TPM4: variants seen among roughly 807,000 people sequenced by gnomAD.
TPM4 encodes tropomyosin 4.
In TPM4, 17 loss-of-function variants were observed where a neutral mutation model predicts 35.8. The ratio of observed to expected loss-of-function variants is 0.47; its 90% confidence interval spans 0.32 to 0.71. The LOEUF (loss-of-function observed/expected upper bound fraction) is 0.71. Among genes scored for constraint, TPM4 ranks in the 30% least tolerant of loss-of-function variants. The pLI is 0.03. For synonymous variants in TPM4, 120 were observed against 122.9 expected (o/e 0.98, Z 0.15); for missense variants, 240 against 320.9 (o/e 0.75, Z 1.93).
At chr19:16,073,958 A>AAAAAAAAAAAC (rs1455511715), upstream of TPM4, among the ~76,000 whole-genome samples, 2 of 120,268 alleles carry the variant, frequency 1.7e-5, no homozygotes, top group African/African-American at 6.4e-5. Flanking sequence ...AAAAAAAAAA[A>AAAAAAAAAAAC]AACGCAAAAA....
intron 3 of TPM4, 30 bp downstream of exon 3, chr19:16,086,570 C>T (rs756055913): frequency 6.3e-7 from 1 of 1,578,642 alleles, no homozygotes; most frequent in South Asian, 1.1e-5. Flanking sequence ...GGCGCAGCAG[C>T]AGGAAGTGGG....
upstream of TPM4, among the ~76,000 whole-genome samples, chr19:16,071,633 C>A (rs55676764): frequency 0.47 from 71,788 of 152,130 alleles, 20,441 homozygotes; most frequent in African/African-American, 0.81. Context: ...CAGAAGCCAG[C>A]GCCCCACAGG....
chr19:16,094,578 C>G (rs2090671040), intron 7 of TPM4, among the ~76,000 whole-genome samples: 1 of 151,372 alleles, frequency 6.6e-6, no homozygotes, highest in Non-Finnish European at 1.5e-5. Context: ...TTGCTCATTT[C>G]TGATAGATGC....
chr19:16,081,692 C>T (rs1479622215), intron 1 of TPM4: 7 of 413,022 alleles, frequency 1.7e-5, no homozygotes, highest in Admixed American at 1.6e-4. Context: ...CCACGCTTGG[C>T]GATGCTCATC....
intron 7 of TPM4, among the ~76,000 whole-genome samples, chr19:16,093,995 C>T (rs2046055377): frequency 7.9e-6 from 1 of 126,062 alleles, no homozygotes; most frequent in Non-Finnish European, 1.6e-5. Context: ...GAGTCTGGCT[C>T]TGTCTCCCAG....
intron 5 of TPM4, among the ~76,000 whole-genome samples, chr19:16,090,343 C>T (rs2090610669): frequency 6.6e-6 from 1 of 150,864 alleles, no homozygotes; most frequent in Non-Finnish European, 1.5e-5. Flanking sequence ...GTCTTAAACT[C>T]CTGGCCTCAA....
At position 16,070,297 on chromosome 19, in the gene TPM4, T is replaced by C. The variant is rs193286826; in HGVS notation, c.114+2559T>C. Among the ~76,000 whole-genome samples, 16 of 152,124 alleles carry C rather than the reference T, an allele frequency of 1.1e-4. No homozygotes were observed. Among genetic ancestry groups the C allele is most frequent in the Non-Finnish European group, 1.6e-4 (11 of 67,980 alleles). The stretch of plus-strand genomic sequence containing the variant: ...TGGAGTTCCAAGGCCGTGGCCATGG[T>C]TTGGGGCAGAGCAGACAGGAGCAGT... On this transcript the variant is annotated intron_variant, in intron 2 of 2. Transcript: ENST00000589897. This position sits in a 1 kb window ranked among gnomAD's most constrained non-coding sequence, Gnocchi z 7.4.
At chr19:16,080,222 T>G (rs1419826683) in intron 1 of TPM4, 1 of 202,530 alleles carries the variant, frequency 4.9e-6, no homozygotes, top group Non-Finnish European at 1.0e-5. Flanking sequence ...TGGGTGGGTC[T>G]TAAGAGGCCA....
chr19:16,068,046 G>C (rs2090315762), intron 2 of TPM4: 1 of 441,054 alleles, frequency 2.3e-6, no homozygotes, highest in African/African-American at 2.0e-5. Flanking sequence ...GGGAGGTTGT[G>C]TACTAGATAG....
intron 7 of TPM4, among the ~76,000 whole-genome samples, chr19:16,099,019 C>T (rs2090733652): frequency 6.6e-6 from 1 of 151,902 alleles, no homozygotes; most frequent in African/African-American, 2.4e-5. Context: ...TGGATAGGCC[C>T]AGGTCACTGA....
intron 1 of TPM4, 35 bp downstream of exon 1, chr19:16,076,732 C>T: frequency 1.5e-6 from 2 of 1,290,420 alleles, no homozygotes; most frequent in South Asian, 4.4e-5. Context: ...GCACCCGCAG[C>T]CTCCTCCCCC....
At position 16,067,752 on chromosome 19, in the gene TPM4, C is replaced by T. The variant is rs1479888925; in HGVS notation, c.114+14C>T. On this transcript the variant is annotated intron_variant, in intron 2 of 2. Transcript: ENST00000589897. The surrounding 1 kb of genome is among the most constrained non-coding windows in gnomAD (Gnocchi z 4.1). ...AAGTGCAAGCAGGTGAGGTGCCCTC[C>T]GCTGGGCCGCTCCGGGCTGCTGGGA... is the stretch of plus-strand genomic sequence containing the variant. 6.2e-7 allele frequency: 1 copy of T among 1,608,452 alleles called. No individual in the cohort carries two copies. Among genetic ancestry groups the T allele is most frequent in the Non-Finnish European group, 8.5e-7 (1 of 1,178,294 alleles).
chr19:16,088,507 C>A, intron 4 of TPM4: 1 of 1,051,076 alleles, frequency 9.5e-7, no homozygotes, highest in African/African-American at 1.7e-5. Context: ...ACATTCCTGG[C>A]GGGAAGGTGA....
chr19:16,090,764 C>T (rs373030170), intron 5 of TPM4, among the ~76,000 whole-genome samples: 6 of 151,188 alleles, frequency 4.0e-5, no homozygotes, highest in African/African-American at 9.7e-5. Flanking sequence ...TCATCTTGTT[C>T]AGAGTTGTGT....
At chr19:16,084,350 G>A (rs140811397) in intron 2 of TPM4, among the ~76,000 whole-genome samples, 108 of 152,352 alleles carry the variant, frequency 7.1e-4, no homozygotes, top group African/African-American at 1.9e-3. Flanking sequence ...GGGAACAGAC[G>A]CTACTGCAGA....
upstream of TPM4, chr19:16,075,910 C>A: frequency 7.9e-7 from 1 of 1,273,740 alleles, no homozygotes; most frequent in Non-Finnish European, 1.1e-6. Context: ...CTATCGCAAC[C>A]CCTGTTCTAC....
In TPM4 at chr19:16,067,863, G is replaced by A. The variant is rs1196789823; in HGVS notation, c.114+125G>A. ...GAGGATAGGAGGCTGATGCTTTGGC[G>A]GAGGAAGAGCGAGGGGACCATTGCC... On this transcript the variant is annotated intron_variant, in intron 2 of 2. Coordinates refer to the TPM4 transcript ENST00000589897. This position sits in a 1 kb window ranked among gnomAD's most constrained non-coding sequence, Gnocchi z 4.1. The A allele has an allele frequency of 3.4e-6, 3 of 889,820 alleles. No homozygotes were observed. Among genetic ancestry groups the A allele is most frequent in the Non-Finnish European group, 5.0e-6 (3 of 600,752 alleles). 55.1% of individuals were successfully genotyped at this position (889,820 alleles called of 1,614,324 possible). A position where few individuals can be genotyped will look rare whatever the true frequency, so the allele number is the denominator to read the frequency against.
upstream of TPM4, chr19:16,074,615 T>G (rs1010537270): frequency 1.3e-5 from 2 of 152,324 alleles, no homozygotes; most frequent in Admixed American, 1.3e-4. Context: ...TTCAGTTCAT[T>G]ATAGGCTTAT....
At chr19:16,073,299 A>C (rs776749561), upstream of TPM4, among the ~76,000 whole-genome samples, 2 of 152,216 alleles carry the variant, frequency 1.3e-5, no homozygotes, top group East Asian at 3.8e-4. Flanking sequence ...TTGGGCACAC[A>C]GTTGGCACCC....
Sources: allele counts gnomAD v4.1 joint callset (sites outside exome capture counted in the v4.1 genomes callset), GRCh38; gene constraint gnomAD v4.1.1; non-coding constraint Gnocchi (gnomAD v3.1); transcripts MANE v1.5; gene names NCBI Gene and HGNC (gene_info 2026-07-23, HGNC 2026-07-21).